The following RAPGEF5 variants were observed in gnomAD, a reference collection of about 807,000 sequenced individuals.
RAPGEF5 encodes Rap guanine nucleotide exchange factor 5.
RAPGEF5 carries 65 observed loss-of-function variants against 125.2 expected under a neutral mutation model. That is an observed-to-expected ratio of 0.52 (90% CI 0.43 to 0.64). The LOEUF is 0.64. Ranked by LOEUF, RAPGEF5 falls within the 30% of genes least tolerant of loss-of-function variation. The pLI is 0.00. For missense variants in RAPGEF5, 958 were observed against 1,048.1 expected, an observed-to-expected ratio of 0.91 and a Z score of 1.19; for synonymous variants, 391 against 385.9, an observed-to-expected ratio of 1.01 and a Z score of -0.16.
chr7:22,152,280 G>GA (rs2128107735), intron 17 of RAPGEF5, among the ~76,000 whole-genome samples: 2 of 152,274 alleles, frequency 1.3e-5, no homozygotes, highest in South Asian at 4.1e-4. Context: ...CACACAGCTG[G>GA]ATTCTTAAGT....
At chr7:22,296,106 G>A (rs913457087) in intron 5 of RAPGEF5, among the ~76,000 whole-genome samples, 1 of 152,128 alleles carries the variant, frequency 6.6e-6, no homozygotes, top group African/African-American at 2.4e-5. Flanking sequence ...AACCATCACT[G>A]TGAGACGATG....
intron 1 of RAPGEF5, among the ~76,000 whole-genome samples, chr7:22,329,653 C>T (rs1783876620): frequency 6.6e-6 from 1 of 152,176 alleles, no homozygotes; most frequent in African/African-American, 2.4e-5. Flanking sequence ...CACCAAAGCG[C>T]TAACAGAATG....
At chr7:22,231,006 A>G (rs1562773334) in intron 7 of RAPGEF5, 87 bp from the exon 8 acceptor site, 2 of 1,240,184 alleles carry the variant, frequency 1.6e-6, no homozygotes, top group South Asian at 1.3e-5. Context: ...ATTTAGCGGG[A>G]AAAAATGTTA....
intron 6 of RAPGEF5, among the ~76,000 whole-genome samples, chr7:22,275,219 T>C (rs929855426): frequency 5.2e-4 from 79 of 152,226 alleles, no homozygotes; most frequent in Non-Finnish European, 4.4e-5. Context: ...TAGCACTCTA[T>C]ACTTGTTTCA....
intron 1 of RAPGEF5, among the ~76,000 whole-genome samples, chr7:22,354,413 T>C (rs974656131): frequency 6.6e-6 from 1 of 152,216 alleles, no homozygotes; most frequent in African/African-American, 2.4e-5. Flanking sequence ...AAGCCATGAT[T>C]TGTTTGCATT....
chr7:22,204,043 G>A (rs1448788299), intron 9 of RAPGEF5, among the ~76,000 whole-genome samples: 1 of 152,194 alleles, frequency 6.6e-6, no homozygotes. Context: ...CATTCTGGTT[G>A]CAGATATATT....
At chr7:22,276,093 T>C (rs1344901584) in intron 6 of RAPGEF5, among the ~76,000 whole-genome samples, 1 of 152,232 alleles carries the variant, frequency 6.6e-6, no homozygotes, top group African/African-American at 2.4e-5. Context: ...AATTTGTATA[T>C]AAAATGTATT....
chr7:22,180,178 A>G (rs552759462), intron 11 of RAPGEF5, among the ~76,000 whole-genome samples: 1 of 152,316 alleles, frequency 6.6e-6, no homozygotes, highest in African/African-American at 2.4e-5. Context: ...TAATTATGGT[A>G]TTGGGTCTAC....
chr7:22,348,064 G>T (rs1039398946), intron 1 of RAPGEF5, among the ~76,000 whole-genome samples: 3 of 152,210 alleles, frequency 2.0e-5, no homozygotes, highest in Non-Finnish European at 4.4e-5. Flanking sequence ...CCATGATGCT[G>T]CTTTCTGGAA....
At chr7:22,302,315 A>G (rs1249138853) in intron 5 of RAPGEF5, among the ~76,000 whole-genome samples, 1 of 152,152 alleles carries the variant, frequency 6.6e-6, no homozygotes, top group East Asian at 1.9e-4. Flanking sequence ...AGCAGAAGCC[A>G]TGTGGCTGAA....
chr7:22,329,893 C>T (rs1182061009), intron 1 of RAPGEF5, among the ~76,000 whole-genome samples: 3 of 152,132 alleles, frequency 2.0e-5, no homozygotes, highest in Non-Finnish European at 4.4e-5. Flanking sequence ...TAACTGCTCC[C>T]GCCGCTCCCA....
intron 6 of RAPGEF5, among the ~76,000 whole-genome samples, chr7:22,271,250 C>CATTG (rs1273678342): frequency 6.6e-6 from 1 of 152,172 alleles, no homozygotes; most frequent in Non-Finnish European, 1.5e-5. Context: ...CATCAGTGTG[C>CATTG]ATTGTTGTTT....
At chr7:22,246,081 G>GAC (rs140347414) in intron 7 of RAPGEF5, among the ~76,000 whole-genome samples, 65 of 151,590 alleles carry the variant, frequency 4.3e-4, no homozygotes, top group African/African-American at 1.2e-3. Flanking sequence ...AATCATAGAT[G>GAC]ACACACACAC....
intron 9 of RAPGEF5, among the ~76,000 whole-genome samples, chr7:22,206,827 G>A (rs1785409045): frequency 6.6e-6 from 1 of 152,048 alleles, no homozygotes; most frequent in South Asian, 2.1e-4. Flanking sequence ...TTCCACTCAT[G>A]TGTATAAAAA....
intron 1 of RAPGEF5, among the ~76,000 whole-genome samples, chr7:22,342,209 C>G (rs554597695): frequency 3.5e-4 from 53 of 152,238 alleles, no homozygotes; most frequent in Non-Finnish European, 1.3e-4. Context: ...GAAGCCAAAG[C>G]CTGAGCTCTA....
At chr7:22,159,913 A>T (rs1460895191) in intron 14 of RAPGEF5, among the ~76,000 whole-genome samples, 1 of 152,142 alleles carries the variant, frequency 6.6e-6, no homozygotes, top group African/African-American at 2.4e-5. Flanking sequence ...GTTCAAGACC[A>T]GCCTGGCCAA....
In RAPGEF5 at chr7:22,220,716, G is replaced by GAA. The variant is rs34262187; in HGVS notation, c.871-727_871-726dup. On this transcript the variant is annotated intron_variant, in intron 8 of 25. Coordinates refer to ENST00000665637, the MANE Select transcript of RAPGEF5 (RefSeq NM_012294.5). Reference sequence around the variant, plus strand: ...AGGTGAATCTAAGACTTTGAAATAGGAAAAAAAAAAAAAGTTCATTCTAAC... The same window carrying GAA: ...AGGTGAATCTAAGACTTTGAAATAGGAAAAAAAAAAAAAAAGTTCATTCTAAC... 1.3e-3 allele frequency among the ~76,000 whole-genome samples: 193 copies of GAA among 146,346 alleles called. 1 individual carries two copies. The highest frequency in any genetic ancestry group is 3.7e-3 in the African/African-American group (148 of 39,824).
rs942551822 is a variant in RAPGEF5 at position 22,121,807 on chromosome 7, T to C, written c.*599A>G. On this transcript the variant is annotated 3_prime_UTR_variant, in exon 26 of 26. Transcript: ENST00000665637. Reference sequence around the variant, plus strand: ...TTGTGGTGCAAAGTGATGCACACCTTGACATTGTTCATCTGCCCATCAGAG... The same window carrying C: ...TTGTGGTGCAAAGTGATGCACACCTCGACATTGTTCATCTGCCCATCAGAG... 3.3e-5 allele frequency: 5 copies of C among 153,040 alleles called. No individual in the cohort carries two copies. Among genetic ancestry groups the C allele is most frequent in the African/African-American group, 9.6e-5 (4 of 41,472 alleles). The allele number at this position is 153,040 out of a possible 1,614,324, so 9.5% of individuals were successfully genotyped here. A position where few individuals can be genotyped will look rare whatever the true frequency, so the allele number is the denominator to read the frequency against.
chr7:22,231,859 A>G (rs985401529), intron 7 of RAPGEF5, among the ~76,000 whole-genome samples: 1 of 152,238 alleles, frequency 6.6e-6, no homozygotes, highest in Non-Finnish European at 1.5e-5. Context: ...ATCTAAGCCT[A>G]AGAACACGGG....
Sources: gnomAD v4.1 joint callset for allele counts (sites outside exome capture counted in the v4.1 genomes callset) on GRCh38, gnomAD v4.1.1 for gene constraint, MANE v1.5 for transcripts, NCBI Gene and HGNC (gene_info 2026-07-23, HGNC 2026-07-21) for gene names.